The following C14orf39 variants were observed in gnomAD, a reference collection of about 807,000 sequenced individuals.
C14orf39 encodes the protein protein SIX6OS1.
C14orf39 carries 66 observed loss-of-function variants against 85.6 expected under a neutral mutation model. The ratio of observed to expected loss-of-function variants is 0.77; its 90% CI spans 0.63 to 0.95. C14orf39 has a LOEUF of 0.95. Among genes scored for constraint, C14orf39 ranks in the 40% least tolerant of loss-of-function variants. C14orf39 has a pLI of 0.00. For synonymous variants in C14orf39, 242 were observed against 214.0 expected (o/e 1.13, Z -1.14); for missense variants, 735 against 663.9 (o/e 1.11, Z -1.18).
chr14:60,467,415 A>T (rs1891848016), intron 9 of C14orf39, among the ~76,000 whole-genome samples: 1 of 151,920 alleles, frequency 6.6e-6, no homozygotes, highest in Admixed American at 6.6e-5. Flanking sequence ...ATTCAGAAAT[A>T]AATCAACCAA....
rs1892759769 is a variant in C14orf39, at chr14:60,483,879, G to A, written c.107-62C>T. On this transcript the variant is annotated intron_variant, in intron 3 of 17. Transcript: ENST00000321731. ...ATAATAAGTTCAAAATAAACAAATA[G>A]AGAAAAAAAATGGGTATGGCAGCTT... 10 of 1,220,946 alleles carry A rather than the reference G, an allele frequency of 8.2e-6. No individual in the cohort carries two copies. The Admixed American group carries it at 1.1e-4, about 13-fold the overall frequency. 75.6% of individuals were successfully genotyped at this position (1,220,946 alleles called of 1,614,324 possible). A position where few individuals can be genotyped will look rare whatever the true frequency, so the allele number is the denominator to read the frequency against.
chr14:60,444,913 C>T (rs1890689254), intron 16 of C14orf39, among the ~76,000 whole-genome samples: 1 of 152,170 alleles, frequency 6.6e-6, no homozygotes, highest in South Asian at 2.1e-4. Context: ...GGCCAATATT[C>T]AACATTCTTA....
intron 2 of C14orf39, chr14:60,495,956 T>C: frequency 2.2e-6 from 1 of 461,286 alleles, no homozygotes; most frequent in Non-Finnish European, 4.3e-6. Flanking sequence ...AGACATGACA[T>C]TTGGGAGCAC....
chr14:60,483,769 T>C lies in C14orf39; in HGVS notation c.155A>G (p.His52Arg). Residue 52 changes from histidine (H) to arginine (R), a missense_variant, in exon 4 of 18, where the codon CAC (histidine) becomes CGC (arginine). By Grantham distance (29) the His-to-Arg change is conservative (BLOSUM62 0). Coordinates refer to ENST00000321731, the MANE Select transcript of C14orf39 (RefSeq NM_174978.3). ...KENKVTICRI[H>R]ETINATDEEI... ...CTCATCTGTTGCATTTATAGTTTCG[T>C]GTATCCTACAAATAGTTACTTTGTT... is the stretch of plus-strand genomic sequence containing the variant. 1 of 1,565,908 alleles carries C rather than the reference T, an allele frequency of 6.4e-7. No homozygotes were observed. The highest frequency in any genetic ancestry group is 1.1e-5 in the South Asian group (1 of 89,016).
At chr14:60,448,365 G>A (rs1439820521) in intron 16 of C14orf39, among the ~76,000 whole-genome samples, 1 of 150,868 alleles carries the variant, frequency 6.6e-6, no homozygotes, top group Non-Finnish European at 1.5e-5. Context: ...ATAAAAAAGT[G>A]GGCAAAGGAT....
Position 60,478,346 on chromosome 14 carries a change from T to C in C14orf39, c.277A>G (p.Met93Val), listed in dbSNP as rs765630160. 6.3e-7 allele frequency: 1 copy of C among 1,583,932 alleles called. No homozygotes were observed. ...TGATAAACAGTAAATTGGTCCTGCA[T>C]ATAATCTTCATGTTTACGAAAAACA... is the stretch of plus-strand genomic sequence containing the variant. ...CDVFRKHEDY[M>V]QDQFTVYQGT... Residue 93 changes from methionine to valine, a missense_variant, in exon 5 of 18, where the codon ATG becomes GTG. By Grantham distance (21) the Met-to-Val change is conservative. Coordinates refer to ENST00000321731, the MANE Select transcript of C14orf39 (RefSeq NM_174978.3).
chr14:60,456,804 A>T, intron 15 of C14orf39, 113 bp downstream of exon 15: 1 of 874,944 alleles, frequency 1.1e-6, no homozygotes, highest in Non-Finnish European at 1.7e-6. Flanking sequence ...CATGTCTGAA[A>T]TACTACATAA....
chr14:60,472,867 G>A (rs1014108076), intron 5 of C14orf39, among the ~76,000 whole-genome samples: 6 of 152,226 alleles, frequency 3.9e-5, no homozygotes, highest in East Asian at 1.9e-4. Context: ...ATAAACATAC[G>A]TGTGCATGTG....
Position 60,471,684 on chromosome 14 carries a change from G to C in C14orf39, c.379C>G (p.Leu127Val). The part of the protein sequence containing the change: ...QYKEVLKQYQ[L>V]KYSETPFSRE... ...GAAAAGGGTGTTTCTGAGTATTTTA[G>C]TTGGTACTGCTTCAAAACTTCTTTA... The change falls in exon 6 of 18, where the codon CTA becomes GTA. Residue 127 changes from leucine to valine, a missense_variant. Coordinates refer to ENST00000321731, the MANE Select transcript of C14orf39 (RefSeq NM_174978.3). The C allele has an allele frequency of 1.9e-6, 3 of 1,599,768 alleles. No homozygotes were observed. The highest frequency in any genetic ancestry group is 2.6e-6 in the Non-Finnish European group (3 of 1,171,438).
At position 60,457,042 on chromosome 14, in the gene C14orf39, T is replaced by TC. The variant is rs1891311403; in HGVS notation, c.1232_1233insG (p.Glu412ArgfsTer5). ...GTGGAAAATTCTCAGCTCTCTCTTC[T>TC]ACTTCATCACTATCATTTTCTACTG... On this transcript the variant is annotated frameshift_variant, in exon 15 of 18. Transcript: ENST00000321731. LOFTEE classifies it high-confidence loss of function. 8 of 1,609,514 alleles carry TC rather than the reference T, an allele frequency of 5.0e-6. No individual in the cohort carries two copies. Among genetic ancestry groups the TC allele is most frequent in the Non-Finnish European group, 5.9e-6 (7 of 1,177,590 alleles).
At chr14:60,478,458 A>C (rs967479539) in intron 4 of C14orf39, 69 bp from the exon 5 acceptor site, 5 of 746,744 alleles carry the variant, frequency 6.7e-6, no homozygotes, top group Non-Finnish European at 4.1e-6. Flanking sequence ...ATAATAAAAA[A>C]AAGAACATAA....
At chr14:60,465,674 G>A (rs1436413730) in intron 11 of C14orf39, among the ~76,000 whole-genome samples, 2 of 151,732 alleles carry the variant, frequency 1.3e-5, no homozygotes, top group African/African-American at 4.8e-5. Context: ...TTTCCTTCAG[G>A]GATTTCTCAC....
intron 5 of C14orf39, among the ~76,000 whole-genome samples, chr14:60,475,249 C>T (rs1370928762): frequency 6.6e-6 from 1 of 151,816 alleles, no homozygotes; most frequent in South Asian, 2.1e-4. Flanking sequence ...TGGTGATATC[C>T]CCTTTATCAT....
At chr14:60,461,285 G>T in intron 13 of C14orf39, 69 bp downstream of exon 13, 2 of 1,320,172 alleles carry the variant, frequency 1.5e-6, no homozygotes, top group South Asian at 2.5e-5. Flanking sequence ...CAATTTATTT[G>T]ACTAATGTAA....
intron 1 of C14orf39, among the ~76,000 whole-genome samples, chr14:60,505,494 T>C (rs939976227): frequency 6.6e-6 from 1 of 152,180 alleles, no homozygotes; most frequent in African/African-American, 2.4e-5. Context: ...GAAGTAGAGT[T>C]ATAAAACTAA....
intron 1 of C14orf39, chr14:60,512,985 A>G (rs1267124816): frequency 6.6e-6 from 1 of 152,264 alleles, no homozygotes; most frequent in Non-Finnish European, 1.5e-5. Flanking sequence ...CCAAAGTGCA[A>G]ACCAAACAAA....
rs1240557812 is a variant in C14orf39, at chr14:60,478,287, A to G, written c.323+13T>C. Reference sequence around the variant, plus strand: ...AACTTATAGAATTGATAAACTTCATATAAGTACTATACTTGTCTTTTTCAA... The same window carrying G: ...AACTTATAGAATTGATAAACTTCATGTAAGTACTATACTTGTCTTTTTCAA... On this transcript the variant is annotated intron_variant, in intron 5 of 17. Transcript: ENST00000321731. 6 of 1,327,422 alleles carry G rather than the reference A, an allele frequency of 4.5e-6. No individual in the cohort carries two copies. The highest frequency in any genetic ancestry group is 1.6e-5 in the South Asian group (1 of 63,876). The allele number at this position is 1,327,422 out of a possible 1,614,324, so 82.2% of individuals were successfully genotyped here.
chr14:60,455,596 T>C (rs1026581105), intron 15 of C14orf39, among the ~76,000 whole-genome samples: 2 of 152,070 alleles, frequency 1.3e-5, no homozygotes, highest in African/African-American at 4.8e-5. Flanking sequence ...ATTACAGTGA[T>C]GTATAAGGAA....
chr14:60,454,679 A>T lies in C14orf39; in HGVS notation c.1503+322T>A, dbSNP rs546690103. On this transcript the variant is annotated intron_variant, in intron 16 of 17. Transcript: ENST00000321731. Reference sequence around the variant, plus strand: ...AAAAGACCCATTTATAATATGGAACATTTTTTATGTTGAGAATTCTAGTTT... The same window carrying T: ...AAAAGACCCATTTATAATATGGAACTTTTTTTATGTTGAGAATTCTAGTTT... Among the ~76,000 whole-genome samples the T allele has an allele frequency of 1.1e-4, 17 of 152,132 alleles. No individual in the cohort carries two copies. In the East Asian group the frequency reaches 2.1e-3, roughly 19 times the overall value.
Sources: gnomAD v4.1 joint callset for allele counts (sites outside exome capture counted in the v4.1 genomes callset) on GRCh38, gnomAD v4.1.1 for gene constraint, MANE v1.5 for transcripts, NCBI Gene and HGNC (gene_info 2026-07-23, HGNC 2026-07-21) for gene names.